The following FARS2 variants were observed in gnomAD, a reference collection of about 807,000 sequenced individuals.
The protein encoded by FARS2 is phenylalanyl-tRNA synthetase 2, mitochondrial, also known as phenylalanine--tRNA ligase, mitochondrial.
FARS2 carries 40 observed loss-of-function variants against 46.4 expected under a neutral mutation model. The ratio of observed to expected loss-of-function variants is 0.86; its 90% CI spans 0.67 to 1.12. FARS2 has a LOEUF of 1.12. FARS2 is among the 50% of genes most tolerant of loss of function. The probability of loss-of-function intolerance (pLI) is 0.00; values close to 1 mark genes in which losing one functional copy is unlikely to be tolerated. For missense variants in FARS2, 513 were observed against 567.9 expected (o/e 0.90, Z 0.98); for synonymous variants, 234 against 214.9 (o/e 1.09, Z -0.78).
intron 5 of FARS2, among the ~76,000 whole-genome samples, chr6:5,602,662 AAAAAAAAAG>A (rs1774597001): frequency 6.8e-6 from 1 of 146,418 alleles, no homozygotes; most frequent in African/African-American, 2.5e-5. Context: ...AAAAAAAAAA[AAAAAAAAAG>A]GGAACCTCCC....
intron 5 of FARS2, among the ~76,000 whole-genome samples, chr6:5,576,352 G>T (rs1393409513): frequency 1.3e-5 from 2 of 151,954 alleles, no homozygotes; most frequent in African/African-American, 2.4e-5. Flanking sequence ...AGAAAAAAAT[G>T]TAAAAAGGCT....
intron 1 of FARS2, among the ~76,000 whole-genome samples, chr6:5,276,778 C>G (rs1244030647): frequency 6.6e-6 from 1 of 152,194 alleles, no homozygotes; most frequent in African/African-American, 2.4e-5. Flanking sequence ...GATTAGCTGG[C>G]TGTACTAAGC....
intron 4 of FARS2, among the ~76,000 whole-genome samples, chr6:5,527,986 G>C (rs892466224): frequency 9.2e-5 from 14 of 152,154 alleles, no homozygotes; most frequent in African/African-American, 2.9e-4. Flanking sequence ...TGGTATGTGA[G>C]TCCTTGGTAG....
chr6:5,578,324 A>G (rs1393523660), intron 5 of FARS2, among the ~76,000 whole-genome samples: 5 of 152,052 alleles, frequency 3.3e-5, no homozygotes, highest in Admixed American at 2.6e-4. Flanking sequence ...CTCACTGGGC[A>G]GGGAGGGAAC....
At chr6:5,353,726 G>GTTTTGTTTTT (rs1757721834) in intron 1 of FARS2, among the ~76,000 whole-genome samples, 1 of 40,362 alleles carries the variant, frequency 2.5e-5, no homozygotes, top group African/African-American at 9.7e-5. Flanking sequence ...AATATTTGGT[G>GTTTTGTTTTT]TTTTTTTTTT....
At chr6:5,618,187 G>T (rs1775573610) in intron 6 of FARS2, among the ~76,000 whole-genome samples, 1 of 152,096 alleles carries the variant, frequency 6.6e-6, no homozygotes, top group Non-Finnish European at 1.5e-5. Flanking sequence ...CCCTTGATTT[G>T]GGGGAGGGGG....
At chr6:5,443,942 C>T (rs906746640) in intron 4 of FARS2, among the ~76,000 whole-genome samples, 4 of 152,170 alleles carry the variant, frequency 2.6e-5, no homozygotes, top group African/African-American at 9.7e-5. Flanking sequence ...GACTTTTTTA[C>T]TTCCCTCCCT....
At position 5,345,963 on chromosome 6, in the gene FARS2, A is replaced by G. The variant is rs545612551; in HGVS notation, c.-21-22587A>G. 3.3e-5 allele frequency among the ~76,000 whole-genome samples: 5 copies of G among 152,332 alleles called. No individual in the cohort carries two copies. The East Asian group carries it at 9.6e-4, about 29-fold the overall frequency. On this transcript the variant is annotated intron_variant, in intron 1 of 6. Transcript: ENST00000274680. ...TCACCAGAAACCACGAGCCATTCTC[A>G]TTAAAAGACTCTGGAGGAGTACTGG... is the stretch of plus-strand genomic sequence containing the variant.
chr6:5,405,480 C>CTTTTTTTCTTTTTTTTT (rs765851968), intron 3 of FARS2, among the ~76,000 whole-genome samples: 1 of 58,946 alleles, frequency 1.7e-5, no homozygotes, highest in Non-Finnish European at 3.1e-5. Context: ...GAGCAAGGTT[C>CTTTTTTTCTTTTTTTTT]TTTTTTTTTT....
intron 6 of FARS2, among the ~76,000 whole-genome samples, chr6:5,614,368 G>A (rs1341233379): frequency 2.0e-5 from 3 of 150,530 alleles, no homozygotes; most frequent in Non-Finnish European, 4.4e-5. Context: ...TGGCTCCCAC[G>A]TTATATCCTG....
At chr6:5,720,323 C>G (rs1241921862) in intron 6 of FARS2, among the ~76,000 whole-genome samples, 1 of 152,172 alleles carries the variant, frequency 6.6e-6, no homozygotes, top group East Asian at 1.9e-4. Context: ...TAGCGCTACT[C>G]AAACGTGTAT....
intron 6 of FARS2, among the ~76,000 whole-genome samples, chr6:5,686,980 G>T (rs182190229): frequency 2.6e-5 from 4 of 152,188 alleles, no homozygotes; most frequent in Non-Finnish European, 5.9e-5. Flanking sequence ...TCATGTGTCT[G>T]TTGGCTGCAT....
At chr6:5,712,510 T>G (rs898563983) in intron 6 of FARS2, among the ~76,000 whole-genome samples, 1 of 152,198 alleles carries the variant, frequency 6.6e-6, no homozygotes, top group Non-Finnish European at 1.5e-5. Context: ...CCCCTACTGT[T>G]CACCTGCTGT....
chr6:5,496,637 AC>A (rs1178550163), intron 4 of FARS2, among the ~76,000 whole-genome samples: 3 of 152,136 alleles, frequency 2.0e-5, no homozygotes, highest in Admixed American at 6.5e-5. Flanking sequence ...CTGTGTCCTC[AC>A]ATGGTCTTTC....
intron 4 of FARS2, among the ~76,000 whole-genome samples, chr6:5,457,263 T>C (rs73719611): frequency 0.077 from 11,704 of 151,744 alleles, 642 homozygotes; most frequent in African/African-American, 0.15. Context: ...CCCACCCCTA[T>C]GGTCAGGGGG....
At chr6:5,428,250 A>T (rs765220184) in intron 3 of FARS2, among the ~76,000 whole-genome samples, 2 of 152,196 alleles carry the variant, frequency 1.3e-5, no homozygotes, top group Non-Finnish European at 2.9e-5. Flanking sequence ...GTTGTGAGAG[A>T]TGGAGTTGTA....
chr6:5,628,015 AAAGGAAAC>A (rs1445578810), intron 6 of FARS2, among the ~76,000 whole-genome samples: 3 of 152,230 alleles, frequency 2.0e-5, no homozygotes, highest in South Asian at 2.1e-4. Flanking sequence ...GAAAAGGAAA[AAAGGAAAC>A]AAAAAGAGAA....
At chr6:5,656,624 C>T (rs768287051) in intron 6 of FARS2, among the ~76,000 whole-genome samples, 3 of 151,852 alleles carry the variant, frequency 2.0e-5, no homozygotes, top group Non-Finnish European at 4.4e-5. Context: ...AATCTCAGCT[C>T]ACTGCAACCT....
intron 6 of FARS2, among the ~76,000 whole-genome samples, chr6:5,673,315 G>T (rs1297686391): frequency 6.6e-6 from 1 of 152,126 alleles, no homozygotes; most frequent in African/African-American, 2.4e-5. Context: ...AAGTGAATGG[G>T]TCCTGCCTCC....
Sources: allele counts gnomAD v4.1 joint callset (sites outside exome capture counted in the v4.1 genomes callset), GRCh38; gene constraint gnomAD v4.1.1; transcripts MANE v1.5; gene names NCBI Gene and HGNC (gene_info 2026-07-23, HGNC 2026-07-21).